Variants in PCDH15 observed in about 807,000 individuals in gnomAD.
The protein encoded by PCDH15 is protocadherin-15.
Under a neutral mutation model 178.5 loss-of-function variants are expected in PCDH15, and 129 were observed. That is an observed-to-expected ratio of 0.72 (90% CI 0.63 to 0.84). The LOEUF is 0.84. PCDH15 is among the 40% of genes least tolerant of loss of function. The pLI, the probability that PCDH15 is intolerant of heterozygous loss-of-function variation, is 0.00. For synonymous variants in PCDH15, 800 were observed against 732.0 expected, an observed-to-expected ratio of 1.09 and a Z score of -1.50; for missense variants, 2,230 against 2,099.9, an observed-to-expected ratio of 1.06 and a Z score of -1.21.
Position 54,113,545 on chromosome 10 carries a change from G to C in PCDH15, c.1917+19330C>G, listed in dbSNP as rs555772017. On this transcript the variant is annotated intron_variant, in intron 15 of 37. Coordinates refer to ENST00000644397, the MANE Select transcript of PCDH15 (RefSeq NM_001384140.1). Reference sequence around the variant, plus strand: ...GTCCTCATATGCACACTTTCTCAAAGGGAGAGTCCCAGAGTCCCCATAACA... The same window carrying C: ...GTCCTCATATGCACACTTTCTCAAACGGAGAGTCCCAGAGTCCCCATAACA... 5.3e-5 allele frequency among the ~76,000 whole-genome samples: 8 copies of C among 152,120 alleles called. No individual in the cohort carries two copies. In the South Asian group the frequency reaches 1.7e-3, roughly 32 times the overall value.
chr10:53,903,287 C>G lies in PCDH15; in HGVS notation c.3457G>C (p.Val1153Leu), dbSNP rs773196627. 5 of 1,613,030 alleles carry G rather than the reference C, an allele frequency of 3.1e-6. No individual in the cohort carries two copies. The African/African-American group carries it at 6.7e-5, about 22-fold the overall frequency. Residue 1153 changes from valine (V) to leucine (L), a missense_variant, in exon 26 of 38, where the codon GTA becomes CTA. Transcript: ENST00000644397. Reference protein sequence around the residue: ...VFQKKFYIGGVSEDARMFTSV... With the variant: ...VFQKKFYIGGLSEDARMFTSV... Reference sequence around the variant, plus strand: ...GTAAACATTCTTGCATCTTCAGATACACCTCCGATGTAGAATTTTTTCTGA... The same window carrying G: ...GTAAACATTCTTGCATCTTCAGATAGACCTCCGATGTAGAATTTTTTCTGA...
chr10:55,510,653 TGTTTA>T (rs956640688), intron 2 of PCDH15, among the ~76,000 whole-genome samples: 5 of 151,882 alleles, frequency 3.3e-5, no homozygotes, highest in African/African-American at 1.2e-4. Context: ...TGTAAAAAAC[TGTTTA>T]AAATTCAAAA....
chr10:54,197,131 T>A (rs971306251), intron 10 of PCDH15, among the ~76,000 whole-genome samples: 4 of 152,104 alleles, frequency 2.6e-5, no homozygotes, highest in African/African-American at 9.7e-5. Flanking sequence ...AAACTGTGAA[T>A]TGCAATATTA....
chr10:55,367,624 CAAAA>C (rs537716010), intron 2 of PCDH15, among the ~76,000 whole-genome samples: 1 of 151,146 alleles, frequency 6.6e-6, no homozygotes, highest in Non-Finnish European at 1.5e-5. Flanking sequence ...CAAAAACAAA[CAAAA>C]AAAAGAGGTT....
intron 2 of PCDH15, among the ~76,000 whole-genome samples, chr10:54,630,252 CT>C (rs1158183973): frequency 6.6e-6 from 1 of 152,138 alleles, no homozygotes; most frequent in Non-Finnish European, 1.5e-5. Flanking sequence ...ATCACATTAC[CT>C]GTTTTCAAAT....
Position 54,023,075 on chromosome 10 carries a change from G to C in PCDH15, c.2343C>G (p.Val781=). The change falls in exon 19 of 38, where the codon GTC becomes GTG. Residue 781 remains valine, a synonymous_variant. Coordinates refer to ENST00000644397, the MANE Select transcript of PCDH15 (RefSeq NM_001384140.1). The part of the protein sequence containing the change: ...IYTAVKLNRE[V]RDYYELVVVA... ...CAACAACAAGTTCATAGTAGTCCCT[G>C]ACTTCTCTGTTAAGCTTCACTGCTG... 1 of 1,613,940 alleles carries C rather than the reference G, an allele frequency of 6.2e-7. No individual in the cohort carries two copies. The highest frequency in any genetic ancestry group is 8.5e-7 in the Non-Finnish European group (1 of 1,179,906).
intron 5 of PCDH15, among the ~76,000 whole-genome samples, chr10:54,361,037 T>C (rs1945953922): frequency 6.6e-6 from 1 of 152,142 alleles, no homozygotes; most frequent in Non-Finnish European, 1.5e-5. Context: ...AGAATTGACA[T>C]GACATACAGT....
intron 4 of PCDH15, among the ~76,000 whole-genome samples, chr10:54,371,371 T>G (rs1947646194): frequency 6.6e-6 from 1 of 151,744 alleles, no homozygotes; most frequent in African/African-American, 2.4e-5. Context: ...TATCAGATAA[T>G]AATATATAGG....
chr10:55,118,585 A>T (rs1017583289), intron 2 of PCDH15, among the ~76,000 whole-genome samples: 1 of 152,220 alleles, frequency 6.6e-6, no homozygotes, highest in African/African-American at 2.4e-5. Context: ...CACCCAAGTG[A>T]TTTCAATGCA....
intron 1 of PCDH15, among the ~76,000 whole-genome samples, chr10:54,765,798 T>C (rs758266033): frequency 6.6e-6 from 1 of 152,126 alleles, no homozygotes; most frequent in Admixed American, 6.5e-5. Flanking sequence ...ACAGACTCTT[T>C]ACTTTAGGAC....
chr10:54,590,996 AAAT>A (rs2091851304), intron 2 of PCDH15, among the ~76,000 whole-genome samples: 1 of 152,204 alleles, frequency 6.6e-6, no homozygotes, highest in Non-Finnish European at 1.5e-5. Flanking sequence ...AGTAAATTAA[AAAT>A]AATACCATTA....
At chr10:54,271,779 C>A (rs2058062080) in intron 8 of PCDH15, among the ~76,000 whole-genome samples, 1 of 151,772 alleles carries the variant, frequency 6.6e-6, no homozygotes, top group East Asian at 1.9e-4. Context: ...GTTCCCAAAA[C>A]CTAACTGGAA....
chr10:54,428,327 G>A (rs1168851577), intron 3 of PCDH15, among the ~76,000 whole-genome samples: 2 of 152,194 alleles, frequency 1.3e-5, no homozygotes, highest in East Asian at 1.9e-4. Context: ...CAGTAGGACT[G>A]GCTGAAGACT....
chr10:54,889,657 C>T (rs72798536), intron 3 of PCDH15, among the ~76,000 whole-genome samples: 33,752 of 150,798 alleles, frequency 0.22, 4,456 homozygotes, highest in Non-Finnish European at 0.3. Context: ...AAGAACTCCA[C>T]AAATTCTGAG....
At chr10:54,469,732 C>A (rs1336645514) in intron 3 of PCDH15, among the ~76,000 whole-genome samples, 1 of 152,046 alleles carries the variant, frequency 6.6e-6, no homozygotes, top group Non-Finnish European at 1.5e-5. Flanking sequence ...CAGTGATGAA[C>A]TGGGTGGGTG....
intron 2 of PCDH15, among the ~76,000 whole-genome samples, chr10:55,579,918 G>T (rs757254394): frequency 6.6e-6 from 1 of 151,830 alleles, no homozygotes; most frequent in East Asian, 1.9e-4. Flanking sequence ...GTGCAATGGC[G>T]CAATCTCAGC....
At chr10:54,096,365 A>C (rs1304679827) in intron 15 of PCDH15, among the ~76,000 whole-genome samples, 1 of 152,020 alleles carries the variant, frequency 6.6e-6, no homozygotes, top group Non-Finnish European at 1.5e-5. Context: ...TTATACCATA[A>C]GCATTATACT....
chr10:54,506,786 G>A (rs2081204723), intron 3 of PCDH15, among the ~76,000 whole-genome samples: 1 of 151,782 alleles, frequency 6.6e-6, no homozygotes, highest in Non-Finnish European at 1.5e-5. Flanking sequence ...TCAAAGGGTA[G>A]GAGACAAAAA....
intron 2 of PCDH15, among the ~76,000 whole-genome samples, chr10:54,945,062 T>C (rs1213304802): frequency 6.6e-6 from 1 of 151,924 alleles, no homozygotes; most frequent in African/African-American, 2.4e-5. Flanking sequence ...ACAGCAGATA[T>C]AATCCTTCTA....
Sources: allele counts gnomAD v4.1 joint callset (sites outside exome capture counted in the v4.1 genomes callset), GRCh38; gene constraint gnomAD v4.1.1; transcripts MANE v1.5; gene names NCBI Gene and HGNC (gene_info 2026-07-23, HGNC 2026-07-21).